PHYHIPL: variants seen among roughly 807,000 people sequenced by gnomAD.
PHYHIPL encodes the protein phytanoyl-CoA 2-hydroxylase interacting protein like.
In PHYHIPL, 9 loss-of-function variants were observed where a neutral mutation model predicts 33.4. The observed-to-expected ratio is 0.27, with a 90% CI of 0.16 to 0.47. PHYHIPL has a LOEUF of 0.47. Among genes scored for constraint, PHYHIPL ranks in the 20% least tolerant of loss-of-function variants. The pLI is 0.99. For synonymous variants in PHYHIPL, 153 were observed against 154.1 expected, an observed-to-expected ratio of 0.99 and a Z score of 0.05; for missense variants, 365 against 460.7, an observed-to-expected ratio of 0.79 and a Z score of 1.90.
chr10:59,237,914 A>G (rs1840277251), intron 3 of PHYHIPL, among the ~76,000 whole-genome samples: 1 of 151,932 alleles, frequency 6.6e-6, no homozygotes, highest in Non-Finnish European at 1.5e-5. Flanking sequence ...CTTTTACATC[A>G]TATGTTCTAA....
At chr10:59,192,781 A>G (rs949261504) in intron 1 of PHYHIPL, among the ~76,000 whole-genome samples, 2 of 152,122 alleles carry the variant, frequency 1.3e-5, no homozygotes, top group African/African-American at 4.8e-5. Flanking sequence ...TAAATTTGCT[A>G]GATTTGGAGA....
At chr10:59,200,784 C>G (rs933167648) in intron 1 of PHYHIPL, among the ~76,000 whole-genome samples, 8 of 151,922 alleles carry the variant, frequency 5.3e-5, no homozygotes, top group Non-Finnish European at 7.4e-5. Flanking sequence ...GTTTAGTCTT[C>G]GGAGGGTGTA....
At chr10:59,244,562 CAAA>C (rs71006239) in intron 4 of PHYHIPL, among the ~76,000 whole-genome samples, 34 of 39,554 alleles carry the variant, frequency 8.6e-4, no homozygotes, top group Middle Eastern at 0.042. Flanking sequence ...GACTCTGTCT[CAAA>C]AAAAAAAAAA....
Position 59,201,412 on chromosome 10 carries a change from G to T in PHYHIPL, c.106+24453G>T, listed in dbSNP as rs190909313. Among the ~76,000 whole-genome samples the T allele has an allele frequency of 1.2e-3, 176 of 152,226 alleles. 1 individual carries two copies. Among genetic ancestry groups the T allele is most frequent in the African/African-American group, 3.9e-3 (163 of 41,554 alleles). ...CTGAGTTCTAGTTTGATTGCACTGT[G>T]GTCTGAGAGACAATTTGTTATAATT... On this transcript the variant is annotated intron_variant, in intron 1 of 4. Transcript: ENST00000373880.
chr10:59,221,969 T>C (rs12765298), intron 1 of PHYHIPL, among the ~76,000 whole-genome samples: 5 of 152,078 alleles, frequency 3.3e-5, no homozygotes, highest in Non-Finnish European at 7.4e-5. Context: ...ATGTCCTCTA[T>C]TTCTAACTCC....
At chr10:59,209,244 A>G (rs899464846) in intron 1 of PHYHIPL, among the ~76,000 whole-genome samples, 7 of 152,374 alleles carry the variant, frequency 4.6e-5, no homozygotes, top group Non-Finnish European at 8.8e-5. Context: ...CAGAAACTCT[A>G]CAAACCAGAA....
intron 1 of PHYHIPL, among the ~76,000 whole-genome samples, chr10:59,225,920 A>T (rs1839910000): frequency 6.6e-6 from 1 of 152,146 alleles, no homozygotes; most frequent in Admixed American, 6.5e-5. Context: ...CTAAGAAAAA[A>T]CAAAATGAGA....
chr10:59,201,076 C>T (rs1167432643), intron 1 of PHYHIPL, among the ~76,000 whole-genome samples: 13 of 152,166 alleles, frequency 8.5e-5, no homozygotes, highest in Middle Eastern at 3.4e-3. Context: ...GCTCTGATCT[C>T]AGTTATTTCT....
At position 59,216,888 on chromosome 10, in the gene PHYHIPL, A is replaced by G. The variant is rs189001820; in HGVS notation, c.107-17416A>G. On this transcript the variant is annotated intron_variant, in intron 1 of 4. Transcript: ENST00000373880. ...GCTAAATTGTAAGCTTGAAAGCGCA[A>G]ACTATAGTCTCATTGATTCATCTTT... Among the ~76,000 whole-genome samples, 221 of 152,294 alleles carry G rather than the reference A, an allele frequency of 1.5e-3. 2 individuals carry two copies. In the South Asian group the frequency reaches 0.021, roughly 14 times the overall value.
chr10:59,223,088 TG>T (rs999919170), intron 1 of PHYHIPL, among the ~76,000 whole-genome samples: 101 of 152,328 alleles, frequency 6.6e-4, no homozygotes, highest in African/African-American at 2.3e-3. Flanking sequence ...CTTATGTATG[TG>T]GGATATAGCT....
upstream of PHYHIPL, among the ~76,000 whole-genome samples, chr10:59,173,735 G>C (rs1046748284): frequency 2.0e-5 from 3 of 152,122 alleles, no homozygotes; most frequent in Admixed American, 1.3e-4. Flanking sequence ...TTTTTACACA[G>C]AAAAGCAGAA....
At chr10:59,194,080 G>GTTTTTTTTT (rs778292956) in intron 1 of PHYHIPL, among the ~76,000 whole-genome samples, 1 of 111,486 alleles carries the variant, frequency 9.0e-6, no homozygotes, top group African/African-American at 3.5e-5. Context: ...TTACCTATAT[G>GTTTTTTTTT]TTTTTTTTTT....
intron 2 of PHYHIPL, 102 bp from the exon 3 acceptor site, chr10:59,236,381 C>T: frequency 5.1e-6 from 3 of 592,160 alleles, no homozygotes; most frequent in South Asian, 4.3e-5. Context: ...CTCCTTCTCC[C>T]TTCCCTCCTT....
At chr10:59,238,530 T>A (rs1308437328) in intron 3 of PHYHIPL, 58 bp from the exon 4 acceptor site, 7 of 930,802 alleles carry the variant, frequency 7.5e-6, no homozygotes, top group Non-Finnish European at 1.2e-5. Flanking sequence ...TTATTAAGTA[T>A]ATGGTTGGTA....
chr10:59,240,119 C>G (rs573745854), intron 4 of PHYHIPL, among the ~76,000 whole-genome samples: 5 of 152,112 alleles, frequency 3.3e-5, no homozygotes, highest in African/African-American at 4.8e-5. Context: ...GTTTGAATAT[C>G]TTATAAATAC....
intron 1 of PHYHIPL, among the ~76,000 whole-genome samples, chr10:59,232,061 C>T (rs952462877): frequency 6.6e-6 from 1 of 151,984 alleles, no homozygotes; most frequent in African/African-American, 2.4e-5. Context: ...GCCTAAAGTA[C>T]TGTGAGAGAA....
At chr10:59,198,399 C>A (rs1487905902) in intron 1 of PHYHIPL, among the ~76,000 whole-genome samples, 1 of 152,146 alleles carries the variant, frequency 6.6e-6, no homozygotes, top group Non-Finnish European at 1.5e-5. Flanking sequence ...TTTTTTATGG[C>A]TGCATAGTAT....
chr10:59,178,222 C>T (rs1428048486), intron 1 of PHYHIPL, among the ~76,000 whole-genome samples: 2 of 151,514 alleles, frequency 1.3e-5, no homozygotes, highest in Non-Finnish European at 2.9e-5. Context: ...AACCAGAATT[C>T]AAACTTTTTG....
chr10:59,234,163 A>G lies in PHYHIPL; in HGVS notation c.107-141A>G. On this transcript the variant is annotated intron_variant, in intron 1 of 4. Coordinates refer to ENST00000373880, the MANE Select transcript of PHYHIPL (RefSeq NM_032439.4). The stretch of plus-strand genomic sequence containing the variant: ...TTTTGTGTTCACTCTGTGAAAACAA[A>G]TTGGAAACATAAATGGAAAAAGTAA... 9.4e-6 allele frequency: 6 copies of G among 641,270 alleles called. No homozygotes were observed. The South Asian group carries it at 1.5e-4, about 16-fold the overall frequency. The allele number at this position is 641,270 out of a possible 1,614,324, so 39.7% of individuals were successfully genotyped here.
Sources: gnomAD v4.1 joint callset for allele counts (sites outside exome capture counted in the v4.1 genomes callset) on GRCh38, gnomAD v4.1.1 for gene constraint, MANE v1.5 for transcripts, NCBI Gene and HGNC (gene_info 2026-07-23, HGNC 2026-07-21) for gene names.